Variants in FER observed in about 807,000 individuals in gnomAD.
The protein encoded by FER is tyrosine-protein kinase Fer.
FER carries 63 observed loss-of-function variants against 111.0 expected under a neutral mutation model. That is an observed-to-expected ratio of 0.57 (90% CI 0.46 to 0.70). The LOEUF is 0.70. Among genes scored for constraint, FER ranks in the 30% least tolerant of loss-of-function variants. FER has a pLI of 0.00. For synonymous variants in FER, 327 were observed against 313.9 expected, an observed-to-expected ratio of 1.04 and a Z score of -0.44; for missense variants, 914 against 954.0, an observed-to-expected ratio of 0.96 and a Z score of 0.55.
At position 109,144,857 on chromosome 5, in the gene FER, G is replaced by A. The variant is rs528200175; in HGVS notation, c.2049-35890G>A. Among the ~76,000 whole-genome samples, 94 of 152,164 alleles carry A rather than the reference G, an allele frequency of 6.2e-4. 1 individual carries two copies. The highest frequency in any genetic ancestry group is 2.3e-3 in the Admixed American group (35 of 15,276). ...TGTATTGATTCTAATTCCAAATCAA[G>A]TAAATTGGAGAACATGAGAATAAAT... On this transcript the variant is annotated intron_variant, in intron 17 of 19. Transcript: ENST00000281092.
At chr5:109,050,367 G>C (rs149912356) in intron 16 of FER, among the ~76,000 whole-genome samples, 34 of 152,220 alleles carry the variant, frequency 2.2e-4, no homozygotes, top group African/African-American at 8.2e-4. Flanking sequence ...CCATGAGAAA[G>C]GTTCAAATTT....
chr5:108,964,928 G>A (rs966796920), intron 13 of FER, among the ~76,000 whole-genome samples: 1 of 151,734 alleles, frequency 6.6e-6, no homozygotes, highest in Admixed American at 6.6e-5. Flanking sequence ...CACTTGTATG[G>A]GCTTTTCAAA....
chr5:109,174,155 G>A (rs1243793422), intron 17 of FER, among the ~76,000 whole-genome samples: 4 of 152,172 alleles, frequency 2.6e-5, no homozygotes, highest in Admixed American at 2.6e-4. Flanking sequence ...AGAGAGGTAT[G>A]AAGTGCGGTA....
chr5:109,165,688 A>G lies in FER; in HGVS notation c.2049-15059A>G, dbSNP rs1027097588. Among the ~76,000 whole-genome samples the G allele has an allele frequency of 2.0e-5, 3 of 151,846 alleles. No individual in the cohort carries two copies. The East Asian group carries it at 5.8e-4, about 29-fold the overall frequency. On this transcript the variant is annotated intron_variant, in intron 17 of 19. Transcript: ENST00000281092. ...TCAGTCTTATGTACATATTGAGCAG[A>G]GTTGGGGAAAATCTATGACTATTCA... is the stretch of plus-strand genomic sequence containing the variant.
intron 13 of FER, among the ~76,000 whole-genome samples, chr5:108,972,894 T>A (rs182119176): frequency 3.9e-5 from 6 of 152,332 alleles, no homozygotes; most frequent in Admixed American, 3.9e-4. Context: ...ACTTTCTATT[T>A]TTAAATTATA....
chr5:108,908,767 G>A (rs1751147249), intron 10 of FER, among the ~76,000 whole-genome samples: 1 of 152,028 alleles, frequency 6.6e-6, no homozygotes, highest in Admixed American at 6.6e-5. Context: ...AGGTGTGGTG[G>A]CTGGCTCATG....
At chr5:109,117,535 C>A (rs1272224989) in intron 17 of FER, among the ~76,000 whole-genome samples, 1 of 152,106 alleles carries the variant, frequency 6.6e-6, no homozygotes, top group Non-Finnish European at 1.5e-5. Flanking sequence ...GATCTCTTCC[C>A]TGGATAGTGA....
rs576920039 is a variant in FER, at chr5:108,773,678, T to C, written c.-60+5440T>C. Reference sequence around the variant, plus strand: ...CATATGCATGCATGTATCTTTATAATAGAATGATCTGTATTTCACTGGGTA... The same window carrying C: ...CATATGCATGCATGTATCTTTATAACAGAATGATCTGTATTTCACTGGGTA... On this transcript the variant is annotated intron_variant, in intron 2 of 19. Transcript: ENST00000281092. Among the ~76,000 whole-genome samples, 4 of 152,258 alleles carry C rather than the reference T, an allele frequency of 2.6e-5. No homozygotes were observed. In the South Asian group the frequency reaches 6.2e-4, roughly 24 times the overall value.
chr5:109,084,141 G>A (rs1777296163), intron 16 of FER, among the ~76,000 whole-genome samples: 1 of 151,808 alleles, frequency 6.6e-6, no homozygotes, highest in Non-Finnish European at 1.5e-5. Context: ...CACCTTCCTG[G>A]TCACTCCCAC....
chr5:108,863,123 T>A (rs537264655), intron 5 of FER, among the ~76,000 whole-genome samples: 1 of 150,944 alleles, frequency 6.6e-6, no homozygotes, highest in Non-Finnish European at 1.5e-5. Flanking sequence ...TGCACTGACC[T>A]TTTTTTTTGT....
intron 17 of FER, among the ~76,000 whole-genome samples, chr5:109,130,412 G>A (rs1752232843): frequency 1.3e-5 from 2 of 151,850 alleles, no homozygotes; most frequent in African/African-American, 2.4e-5. Context: ...CTGTTAATTT[G>A]TCTGTACTTC....
At chr5:108,982,278 G>A (rs1762092497) in intron 13 of FER, among the ~76,000 whole-genome samples, 1 of 152,246 alleles carries the variant, frequency 6.6e-6, no homozygotes, top group Admixed American at 6.5e-5. Context: ...GAGCCTGTAA[G>A]TTATTGTTAT....
chr5:108,785,755 A>G (rs115627035), intron 2 of FER, among the ~76,000 whole-genome samples: 2 of 152,326 alleles, frequency 1.3e-5, no homozygotes, highest in Non-Finnish European at 2.9e-5. Flanking sequence ...GGGAGGAATT[A>G]GCCTGCATGG....
chr5:108,852,979 G>A (rs1210229557), intron 5 of FER, among the ~76,000 whole-genome samples: 1 of 151,818 alleles, frequency 6.6e-6, no homozygotes, highest in African/African-American at 2.4e-5. Flanking sequence ...GCTTAGTTTT[G>A]ATAAGTAAAC....
intron 16 of FER, among the ~76,000 whole-genome samples, chr5:109,070,641 C>G (rs1192930877): frequency 1.3e-5 from 2 of 151,918 alleles, no homozygotes; most frequent in Non-Finnish European, 2.9e-5. Context: ...AAGAATTTAA[C>G]TCTTGGCTCT....
Position 108,872,080 on chromosome 5 carries a change from C to T in FER, c.804-13C>T. The T allele has an allele frequency of 6.2e-7, 1 of 1,604,960 alleles. No individual in the cohort carries two copies. The highest frequency in any genetic ancestry group is 1.7e-5 in the Admixed American group (1 of 58,276). On this transcript the variant is annotated splice_polypyrimidine_tract_variant and intron_variant, in intron 7 of 19. Coordinates refer to ENST00000281092, the MANE Select transcript of FER (RefSeq NM_005246.4). ...ATTTACAATGATCAAAATTATTTGCCATGCTTTACTAGAACAACGGCTGCT... is the reference window on the plus strand; with the variant it reads ...ATTTACAATGATCAAAATTATTTGCTATGCTTTACTAGAACAACGGCTGCT...
At chr5:108,992,213 G>T (rs1008563165) in intron 13 of FER, among the ~76,000 whole-genome samples, 2 of 152,180 alleles carry the variant, frequency 1.3e-5, no homozygotes, top group Non-Finnish European at 2.9e-5. Flanking sequence ...AGATCTACAG[G>T]ATCCCAAGGC....
At chr5:108,777,897 C>G (rs1753667531) in intron 2 of FER, among the ~76,000 whole-genome samples, 1 of 152,114 alleles carries the variant, frequency 6.6e-6, no homozygotes, top group Admixed American at 6.5e-5. Flanking sequence ...AGACCCACCC[C>G]CATGATTCAG....
Position 108,835,927 on chromosome 5 carries a change from A to G in FER, c.481+120A>G, listed in dbSNP as rs1348949030. 4.8e-5 allele frequency: 25 copies of G among 520,666 alleles called. No individual in the cohort carries two copies. The East Asian group carries it at 8.3e-4, about 17-fold the overall frequency. 32.3% of individuals were successfully genotyped at this position (520,666 alleles called of 1,614,324 possible). A position where few individuals can be genotyped will look rare whatever the true frequency, so the allele number is the denominator to read the frequency against. ...GCATTTCACATATAAAAAACTCAAAATAAACCCACATTGGCTAATTGTCAA... is the reference window on the plus strand; with the variant it reads ...GCATTTCACATATAAAAAACTCAAAGTAAACCCACATTGGCTAATTGTCAA... On this transcript the variant is annotated intron_variant, in intron 5 of 19. Coordinates refer to ENST00000281092, the MANE Select transcript of FER (RefSeq NM_005246.4).
Sources: gnomAD v4.1 joint callset for allele counts (sites outside exome capture counted in the v4.1 genomes callset) on GRCh38, gnomAD v4.1.1 for gene constraint, MANE v1.5 for transcripts, NCBI Gene and HGNC (gene_info 2026-07-23, HGNC 2026-07-21) for gene names.